WEE1: variants seen among roughly 807,000 people sequenced by gnomAD.
WEE1 encodes the protein wee1-like protein kinase.
WEE1 carries 16 observed loss-of-function variants against 68.8 expected under a neutral mutation model. That is an observed-to-expected ratio of 0.23 (90% CI 0.16 to 0.35). The LOEUF is 0.35. Among genes scored for constraint, WEE1 ranks in the 10% least tolerant of loss-of-function variants. The probability of loss-of-function intolerance (pLI) is 1.00; values close to 1 mark genes in which losing one functional copy is unlikely to be tolerated. For missense variants in WEE1, 651 were observed against 824.1 expected (o/e 0.79, Z 2.57); for synonymous variants, 349 against 318.7 (o/e 1.09, Z -1.01).
Position 9,589,274 on chromosome 11 carries a change from CTT to C in WEE1, c.*684_*685del, listed in dbSNP as rs77937016. 1.9e-3 allele frequency: 1,582 copies of C among 844,124 alleles called. No individual in the cohort carries two copies. The highest frequency in any genetic ancestry group is 2.1e-3 in the Non-Finnish European group (1,497 of 707,826). The allele number at this position is 844,124 out of a possible 1,614,324, so 52.3% of individuals were successfully genotyped here. On this transcript the variant is annotated 3_prime_UTR_variant, in exon 11 of 11. Transcript: ENST00000450114. ...CTTTTGATGAAAAGCAGCTATTTGC[CTT>C]TTTTTTTTTTTCCTTTGAACTTTGA...
Position 9,574,815 on chromosome 11 carries a change from C to T in WEE1, c.576+306C>T. On this transcript the variant is annotated intron_variant, in intron 1 of 10. Coordinates refer to ENST00000450114, the MANE Select transcript of WEE1 (RefSeq NM_003390.4). This position sits in a 1 kb window ranked among gnomAD's most constrained non-coding sequence, Gnocchi z 4.9. ...CCGAGCGTGTCAGCCCCGAGTGCGG[C>T]ACCGATAACGCGGTTCGCGAGGATG... 2.0e-6 allele frequency: 2 copies of T among 999,628 alleles called. No individual in the cohort carries two copies. The highest frequency in any genetic ancestry group is 1.7e-5 in the African/African-American group (1 of 57,920). The allele number at this position is 999,628 out of a possible 1,614,324, so 61.9% of individuals were successfully genotyped here.
chr11:9,585,464 G>A lies in WEE1; in HGVS notation c.1407G>A (p.Arg469=), dbSNP rs779537241. 11 of 1,605,160 alleles carry A rather than the reference G, an allele frequency of 6.9e-6. No homozygotes were observed. The highest frequency in any genetic ancestry group is 6.7e-5 in the East Asian group (3 of 44,814). Residue 469 remains arginine, a synonymous_variant, in exon 8 of 11, where the codon AGG becomes AGA. Coordinates refer to ENST00000450114, the MANE Select transcript of WEE1 (RefSeq NM_003390.4). The stretch of plus-strand genomic sequence containing the variant: ...TAGGTGATCTTGGGCATGTAACAAG[G>A]ATCTCCAGTCCACAAGTTGAAGAGG... The part of the protein sequence containing the change: ...FKIGDLGHVT[R]ISSPQVEEGD...
intron 5 of WEE1, chr11:9,578,733 A>G (rs1260353264): frequency 6.6e-6 from 1 of 152,150 alleles, no homozygotes; most frequent in Non-Finnish European, 1.5e-5. Context: ...ACCTACCAAT[A>G]CATGGTTGTG....
intron 10 of WEE1, among the ~76,000 whole-genome samples, chr11:9,587,566 TA>T (rs1485248252): frequency 6.6e-6 from 1 of 152,208 alleles, no homozygotes; most frequent in Non-Finnish European, 1.5e-5. Context: ...ATGATTCTCA[TA>T]TATATGTTTT....
intron 6 of WEE1, among the ~76,000 whole-genome samples, chr11:9,583,941 G>A (rs952141251): frequency 2.7e-5 from 4 of 149,864 alleles, no homozygotes; most frequent in Non-Finnish European, 4.4e-5. Context: ...TGCCTCCTGG[G>A]TTCAAGCGAT....
At position 9,589,101 on chromosome 11, in the gene WEE1, T is replaced by G; in HGVS notation, c.*499T>G. The G allele has an allele frequency of 1.0e-6, 1 of 985,858 alleles. No individual in the cohort carries two copies. The highest frequency in any genetic ancestry group is 1.2e-6 in the Non-Finnish European group (1 of 829,944). The allele number at this position is 985,858 out of a possible 1,614,324, so 61.1% of individuals were successfully genotyped here. On this transcript the variant is annotated 3_prime_UTR_variant, in exon 11 of 11. Transcript: ENST00000450114. ...CTGGGAGCACTTTGTAGGCATTGCA[T>G]GAACCATGGGATGATGATTCTGTGG...
intron 5 of WEE1, chr11:9,578,758 C>G (rs1346627469): frequency 1.3e-5 from 2 of 152,042 alleles, no homozygotes; most frequent in Non-Finnish European, 2.9e-5. Flanking sequence ...TCAGATGATT[C>G]TGAGAAAACT....
At position 9,588,461 on chromosome 11, in the gene WEE1, A is replaced by G; in HGVS notation, c.1800A>G (p.Lys600=). 1 of 1,590,988 alleles carries G rather than the reference A, an allele frequency of 6.3e-7. No homozygotes were observed. The highest frequency in any genetic ancestry group is 8.5e-7 in the Non-Finnish European group (1 of 1,174,050). Reference sequence around the variant, plus strand: ...ATTTTTATGTCAGAGAACTCAAGAAAGCACAGATGGCAAAAGCTGCAGCTG... The same window carrying G: ...ATTTTTATGTCAGAGAACTCAAGAAGGCACAGATGGCAAAAGCTGCAGCTG... ...KNSLLQKELK[K]AQMAKAAAEE... The change falls in exon 11 of 11, where the codon AAA becomes AAG. Residue 600 remains lysine (K), a synonymous_variant. Coordinates refer to ENST00000450114, the MANE Select transcript of WEE1 (RefSeq NM_003390.4).
Position 9,586,708 on chromosome 11 carries a change from A to G in WEE1, c.1642-3A>G. 1 of 1,611,752 alleles carries G rather than the reference A, an allele frequency of 6.2e-7. No individual in the cohort carries two copies. Among genetic ancestry groups the G allele is most frequent in the East Asian group, 2.2e-5 (1 of 44,866 alleles). ...TTACCTTCATTTTACTTTTCTTTTT[A>G]AGGTTATGATTCATCCAGATCCAGA... On this transcript the variant is annotated splice_region_variant and splice_polypyrimidine_tract_variant and intron_variant, in intron 9 of 10. Transcript: ENST00000450114.
rs542356383 is a variant in WEE1 at position 9,588,823 on chromosome 11, T to C, written c.*221T>C. The C allele has an allele frequency of 5.3e-6, 6 of 1,138,762 alleles. No individual in the cohort carries two copies. Among genetic ancestry groups the C allele is most frequent in the Non-Finnish European group, 6.5e-6 (6 of 925,536 alleles). The allele number at this position is 1,138,762 out of a possible 1,614,324, so 70.5% of individuals were successfully genotyped here. Reference sequence around the variant, plus strand: ...TGTCTTCTGTAGGATGTGTCACTGTTGGATGTTACACCAGCCTTTCCAGGG... The same window carrying C: ...TGTCTTCTGTAGGATGTGTCACTGTCGGATGTTACACCAGCCTTTCCAGGG... On this transcript the variant is annotated 3_prime_UTR_variant, in exon 11 of 11. Transcript: ENST00000450114.
At chr11:9,575,184 C>A in intron 1 of WEE1, 2 of 985,508 alleles carry the variant, frequency 2.0e-6, no homozygotes, top group Non-Finnish European at 2.4e-6. Context: ...GGCCGGCCTC[C>A]GTGTGATTAG....
rs1347872002 is a variant in WEE1, at chr11:9,575,786, C to T, written c.577-102C>T. The T allele has an allele frequency of 4.2e-6, 4 of 943,180 alleles. No homozygotes were observed. The African/African-American group carries it at 5.0e-5, about 12-fold the overall frequency. The allele number at this position is 943,180 out of a possible 1,614,324, so 58.4% of individuals were successfully genotyped here. A position where few individuals can be genotyped will look rare whatever the true frequency, so the allele number is the denominator to read the frequency against. On this transcript the variant is annotated intron_variant, in intron 1 of 10. Transcript: ENST00000450114. ...ACAAAGGCTTGTGTGTTGCTTTCAC[C>T]TACGCATTCAGCCCTATGAAAGGCT...
chr11:9,589,649 T>A lies in WEE1; in HGVS notation c.*1047T>A. 1 of 972,390 alleles carries A rather than the reference T, an allele frequency of 1.0e-6. No individual in the cohort carries two copies. The highest frequency in any genetic ancestry group is 1.2e-6 in the Non-Finnish European group (1 of 823,554). The allele number at this position is 972,390 out of a possible 1,614,324, so 60.2% of individuals were successfully genotyped here. A position where few individuals can be genotyped will look rare whatever the true frequency, so the allele number is the denominator to read the frequency against. ...GGCTAACAGATGTTGAAAAAAATTG[T>A]CTGTTTGTTTTCTCATTAATTTTGG... On this transcript the variant is annotated 3_prime_UTR_variant, in exon 11 of 11. Transcript: ENST00000450114.
Position 9,574,558 on chromosome 11 carries a change from A to C in WEE1, c.576+49A>C. The C allele has an allele frequency of 8.8e-7, 1 of 1,139,806 alleles. No individual in the cohort carries two copies. Among genetic ancestry groups the C allele is most frequent in the Non-Finnish European group, 1.1e-6 (1 of 933,428 alleles). The allele number at this position is 1,139,806 out of a possible 1,614,324, so 70.6% of individuals were successfully genotyped here. On this transcript the variant is annotated intron_variant, in intron 1 of 10. Transcript: ENST00000450114. The surrounding 1 kb of genome is among the most constrained non-coding windows in gnomAD (Gnocchi z 4.9). ...CCGGCGGCCGGGGCCGCGGCGCCGG[A>C]GGGGCCAGCGCCGCTGCCTGGGTTC...
At chr11:9,579,951 TAAACAGGAGATATTTA>T (rs2134345838) in intron 5 of WEE1, 1 of 152,330 alleles carries the variant, frequency 6.6e-6, no homozygotes, top group Admixed American at 6.5e-5. Context: ...TCCTAAGCCT[TAAACAGGAGATATTTA>T]AAACAATTCC....
intron 8 of WEE1, among the ~76,000 whole-genome samples, chr11:9,586,208 A>AG (rs2134356950): frequency 6.6e-6 from 1 of 152,344 alleles, no homozygotes; most frequent in South Asian, 2.1e-4. Context: ...TTGATAAAGA[A>AG]GAGGCATTTA....
intron 6 of WEE1, among the ~76,000 whole-genome samples, chr11:9,583,612 CAAAAAAAA>C (rs74575068): frequency 1.2e-5 from 1 of 80,278 alleles, no homozygotes; most frequent in Non-Finnish European, 2.5e-5. Context: ...GAGACTGTCT[CAAAAAAAA>C]AAAAAAAAAA....
In WEE1 at chr11:9,585,542, C is replaced by A. The variant is rs766655330; in HGVS notation, c.1470+15C>A. ...TTTTACAGGAGGTAATTTTTCTTCT[C>A]CCTTAATCATAGTTTGCTTTGTAAC... On this transcript the variant is annotated intron_variant, in intron 8 of 10. Coordinates refer to ENST00000450114, the MANE Select transcript of WEE1 (RefSeq NM_003390.4). The A allele has an allele frequency of 7.7e-6, 12 of 1,560,258 alleles. No individual in the cohort carries two copies. The East Asian group carries it at 2.7e-4, about 35-fold the overall frequency.
At chr11:9,578,360 A>C (rs1292122552) in intron 5 of WEE1, 1 of 154,930 alleles carries the variant, frequency 6.5e-6, no homozygotes, top group African/African-American at 2.4e-5. Flanking sequence ...GAAGTAAAAG[A>C]TCCATTTTTC....
Sources: gnomAD v4.1 joint callset for allele counts (sites outside exome capture counted in the v4.1 genomes callset) on GRCh38, gnomAD v4.1.1 for gene constraint, Gnocchi (gnomAD v3.1) non-coding constraint, MANE v1.5 for transcripts, NCBI Gene and HGNC (gene_info 2026-07-23, HGNC 2026-07-21) for gene names.